Variants in ZNF729 observed in about 807,000 individuals in gnomAD.
ZNF729 encodes the protein zinc finger protein 729.
Under a neutral mutation model 12.2 loss-of-function variants are expected in ZNF729, and 15 were observed. That is an observed-to-expected ratio of 1.23 (90% CI 0.82 to 1.89). The LOEUF is 1.89. ZNF729 is among the 40% of genes most tolerant of loss of function. ZNF729 has a pLI of 0.00. For missense variants in ZNF729, 1,540 were observed against 1,456.7 expected, an observed-to-expected ratio of 1.06 and a Z score of -0.93; for synonymous variants, 492 against 476.3, an observed-to-expected ratio of 1.03 and a Z score of -0.43.
chr19:22,301,787 G>T, intron 1 of ZNF729, among the ~76,000 whole-genome samples: 1 of 152,428 alleles, frequency 6.6e-6, no homozygotes, highest in South Asian at 2.1e-4. Context: ...AGAGTAACCA[G>T]AGCCATGACT....
At chr19:22,305,638 A>G (rs1299438336) in intron 3 of ZNF729, among the ~76,000 whole-genome samples, 1 of 152,144 alleles carries the variant, frequency 6.6e-6, no homozygotes, top group Non-Finnish European at 1.5e-5. Flanking sequence ...CAATATAATT[A>G]TGACTGTCTC....
intron 1 of ZNF729, chr19:22,299,592 G>C (rs1472971829): frequency 2.0e-5 from 3 of 152,468 alleles, no homozygotes; most frequent in Non-Finnish European, 4.4e-5. Flanking sequence ...ATCTTGCTCA[G>C]ACTGAGAGCT....
Position 22,315,774 on chromosome 19 carries a change from A to G in ZNF729, c.2357A>G (p.His786Arg). Reference protein sequence around the residue: ...AFNSFSALMKHKVIHTGEKPY... With the variant: ...AFNSFSALMKRKVIHTGEKPY... ...AACAGTTTCTCAGCCCTTATGAAAC[A>G]TAAGGTAATTCATACTGGAGAGAAA... Residue 786 changes from histidine to arginine, a missense_variant, in exon 4 of 4, where the codon CAT becomes CGT. Coordinates refer to ENST00000601693, the MANE Select transcript of ZNF729 (RefSeq NM_001242680.2). 1 of 1,610,044 alleles carries G rather than the reference A, an allele frequency of 6.2e-7. No individual in the cohort carries two copies. The highest frequency in any genetic ancestry group is 8.5e-7 in the Non-Finnish European group (1 of 1,179,520).
chr19:22,311,906 A>G (rs1330688543), intron 3 of ZNF729, among the ~76,000 whole-genome samples: 1 of 152,050 alleles, frequency 6.6e-6, no homozygotes, highest in Non-Finnish European at 1.5e-5. Flanking sequence ...GGACTGTGAT[A>G]TGTTCCTGTT....
chr19:22,298,005 C>CAAAAAA (rs34435303), intron 1 of ZNF729, among the ~76,000 whole-genome samples: 123 of 67,994 alleles, frequency 1.8e-3, no homozygotes, highest in Middle Eastern at 0.013. Context: ...AACTCCATCT[C>CAAAAAA]AAAAAAAAAA....
Position 22,315,680 on chromosome 19 carries a change from C to T in ZNF729, c.2263C>T (p.Leu755Phe), listed in dbSNP as rs1164866049. 7 of 1,607,178 alleles carry T rather than the reference C, an allele frequency of 4.4e-6. No homozygotes were observed. The highest frequency in any genetic ancestry group is 2.2e-5 in the South Asian group (2 of 90,960). Reference sequence around the variant, plus strand: ...CAAATCTTTTAAGCATTTCTCAGCCCTTAGAAAACATAAGGTAATTCATAC... The same window carrying T: ...CAAATCTTTTAAGCATTTCTCAGCCTTTAGAAAACATAAGGTAATTCATAC... ...CGKSFKHFSA[L>F]RKHKVIHTRE... The change falls in exon 4 of 4, where the codon CTT becomes TTT. Residue 755 changes from leucine to phenylalanine, a missense_variant. Leu to Phe is a conservative substitution (Grantham distance 22). Coordinates refer to ENST00000601693, the MANE Select transcript of ZNF729 (RefSeq NM_001242680.2).
In ZNF729 at chr19:22,316,933, C is replaced by G. The variant is rs745662475; in HGVS notation, c.3516C>G (p.Ser1172=). 28 of 1,612,986 alleles carry G rather than the reference C, an allele frequency of 1.7e-5. No individual in the cohort carries two copies. Among genetic ancestry groups the G allele is most frequent in the Non-Finnish European group, 2.2e-5 (26 of 1,179,992 alleles). ...CEECGKAFNQ[S]SHLTRHKTIH... is the part of the protein sequence containing the mutation. Reference sequence around the variant, plus strand: ...AATGTGGCAAAGCCTTTAACCAGTCCTCACACCTTACTAGACACAAAACAA... The same window carrying G: ...AATGTGGCAAAGCCTTTAACCAGTCGTCACACCTTACTAGACACAAAACAA... The change falls in exon 4 of 4, where the codon TCC becomes TCG. Residue 1172 remains serine (S), a synonymous_variant. Coordinates refer to ENST00000601693, the MANE Select transcript of ZNF729 (RefSeq NM_001242680.2).
intron 1 of ZNF729, among the ~76,000 whole-genome samples, chr19:22,289,514 T>G (rs1203291851): frequency 6.6e-6 from 1 of 152,144 alleles, no homozygotes; most frequent in Non-Finnish European, 1.5e-5. Context: ...TGTGAGCCAC[T>G]GCGCCCGGCA....
intron 1 of ZNF729, among the ~76,000 whole-genome samples, chr19:22,290,249 C>T (rs1232523631): frequency 2.0e-5 from 3 of 152,136 alleles, no homozygotes; most frequent in Non-Finnish European, 4.4e-5. Context: ...AACTACATAG[C>T]CTTGGAAAGT....
chr19:22,302,537 T>A (rs906047496), intron 1 of ZNF729, among the ~76,000 whole-genome samples: 8 of 152,310 alleles, frequency 5.3e-5, no homozygotes, highest in Admixed American at 2.6e-4. Context: ...AAAGACTGGT[T>A]TAAATTGCTT....
chr19:22,306,221 A>G (rs183813284), intron 3 of ZNF729, among the ~76,000 whole-genome samples: 4 of 152,228 alleles, frequency 2.6e-5, no homozygotes, highest in Admixed American at 2.6e-4. Flanking sequence ...CGGGCAGATC[A>G]CGAGGTCAGG....
intron 3 of ZNF729, among the ~76,000 whole-genome samples, chr19:22,306,850 TTA>T (rs1968384150): frequency 6.6e-6 from 1 of 151,662 alleles, no homozygotes; most frequent in African/African-American, 2.4e-5. Flanking sequence ...GTAAGAAATT[TTA>T]TATATGTCTG....
rs530578561 is a variant in ZNF729, at chr19:22,317,114, G to A, written c.3697G>A (p.Asp1233Asn). Residue 1233 changes from aspartate (D) to asparagine (N), a missense_variant, in exon 4 of 4, where the codon GAC becomes AAC. Asp to Asn is a conservative substitution (Grantham distance 23, BLOSUM62 1). Coordinates refer to ENST00000601693, the MANE Select transcript of ZNF729 (RefSeq NM_001242680.2). ...KLLSNPHTLL[D>N]KTIHTGEKPY... ...TTTAAGCAATCCTCACACCTTACTA[G>A]ACAAAACAATTCATACTGGAGAGAA... 40 of 1,589,558 alleles carry A rather than the reference G, an allele frequency of 2.5e-5. No homozygotes were observed. In the African/African-American group the frequency reaches 4.5e-4, roughly 18 times the overall value.
At chr19:22,296,017 A>G (rs1391522048) in intron 1 of ZNF729, among the ~76,000 whole-genome samples, 1 of 152,044 alleles carries the variant, frequency 6.6e-6, no homozygotes, top group African/African-American at 2.4e-5. Flanking sequence ...GTGCTGCTGG[A>G]TTTGGTTTGC....
chr19:22,286,581 G>T lies in ZNF729; in HGVS notation c.30+26G>T, dbSNP rs781176863. The stretch of plus-strand genomic sequence containing the variant: ...GTGAGAGTGCCGGGTCCGACATCCC[G>T]AGAAGGGGAAGGGGCTGATTGGAAC... On this transcript the variant is annotated intron_variant, in intron 1 of 3. Transcript: ENST00000601693. The T allele has an allele frequency of 1.6e-4, 255 of 1,613,930 alleles. 1 individual carries two copies. In the East Asian group the frequency reaches 5.7e-3, roughly 36 times the overall value.
intron 1 of ZNF729, 101 bp from the exon 2 acceptor site, chr19:22,303,657 A>G (rs1330232430): frequency 3.4e-6 from 4 of 1,168,978 alleles, no homozygotes; most frequent in South Asian, 1.4e-5. Flanking sequence ...ATAAGTTAGA[A>G]TCTGTTCTCT....
Position 22,315,139 on chromosome 19 carries a change from T to G in ZNF729, c.1722T>G (p.Cys574Trp). 1 of 1,611,438 alleles carries G rather than the reference T, an allele frequency of 6.2e-7. No individual in the cohort carries two copies. Among genetic ancestry groups the G allele is most frequent in the Non-Finnish European group, 8.5e-7 (1 of 1,179,708 alleles). ...VIHTGEKPCKCEECGKAFKHF... is the reference protein window; with the variant it reads ...VIHTGEKPCKWEECGKAFKHF... ...ATACTGGAGAGAAACCCTGCAAATG[T>G]GAAGAATGTGGCAAAGCTTTTAAGC... is the stretch of plus-strand genomic sequence containing the variant. Residue 574 changes from cysteine (C) to tryptophan (W), a missense_variant, in exon 4 of 4, where the codon TGT (cysteine) becomes TGG (tryptophan). Cys to Trp is a radical substitution (Grantham distance 215). Coordinates refer to ENST00000601693, the MANE Select transcript of ZNF729 (RefSeq NM_001242680.2).
intron 1 of ZNF729, among the ~76,000 whole-genome samples, chr19:22,297,521 TA>T (rs1473711393): frequency 6.6e-6 from 1 of 152,000 alleles, no homozygotes; most frequent in Non-Finnish European, 1.5e-5. Context: ...TTTATGTAGA[TA>T]TTTTTCTCTA....
rs1401630975 is a variant in ZNF729, at chr19:22,316,996, TG to T, written c.3581del (p.Gly1194AlafsTer25). 6.2e-7 allele frequency: 1 copy of T among 1,612,558 alleles called. No homozygotes were observed. On this transcript the variant is annotated frameshift_variant, in exon 4 of 4. Coordinates refer to ENST00000601693, the MANE Select transcript of ZNF729 (RefSeq NM_001242680.2). LOFTEE classifies it low-confidence loss of function (END_TRUNC). ...GEKPYKCEEC[G>X]KAFIQCSYLI... ...AGAAACCCTACAAATGTGAAGAATGTGGCAAAGCTTTTATTCAGTGCTCATA... is the reference window on the plus strand; with the variant it reads ...AGAAACCCTACAAATGTGAAGAATGTGCAAAGCTTTTATTCAGTGCTCATA...
Sources: gnomAD v4.1 joint callset for allele counts (sites outside exome capture counted in the v4.1 genomes callset) on GRCh38, gnomAD v4.1.1 for gene constraint, MANE v1.5 for transcripts, NCBI Gene and HGNC (gene_info 2026-07-23, HGNC 2026-07-21) for gene names.